The following PGM5 variants were observed in gnomAD, a reference collection of about 807,000 sequenced individuals.
PGM5 encodes the protein phosphoglucomutase-like protein 5.
A neutral mutation model predicts 59.2 loss-of-function variants in PGM5; 23 were observed. The observed-to-expected ratio is 0.39, with a 90% CI of 0.28 to 0.55. PGM5 has a LOEUF of 0.55. Among genes scored for constraint, PGM5 ranks in the 20% least tolerant of loss-of-function variants. The pLI is 0.66. For missense variants in PGM5, 574 were observed against 748.3 expected (o/e 0.77, Z 2.72); for synonymous variants, 214 against 286.0 (o/e 0.75, Z 2.54).
At chr9:68,521,688 T>C (rs897443004) in intron 10 of PGM5, among the ~76,000 whole-genome samples, 1 of 152,270 alleles carries the variant, frequency 6.6e-6, no homozygotes. Context: ...TAATTCCCCA[T>C]CCTTTTACAA....
rs145560222 is a variant in PGM5 at position 68,466,609 on chromosome 9, G to C, written c.1159+1401G>C. ...AGAAATGGGTACAACCCTTTTTTGG[G>C]GCAATTAGTGTGGAAGGTTAAGTTA... On this transcript the variant is annotated intron_variant, in intron 7 of 10. Coordinates refer to ENST00000396396, the MANE Select transcript of PGM5 (RefSeq NM_021965.4). 8.0e-3 allele frequency: 1,224 copies of C among 153,102 alleles called. 12 individuals are homozygous for C. Among genetic ancestry groups the C allele is most frequent in the African/African-American group, 0.029 (1,183 of 41,488 alleles). 9.5% of individuals were successfully genotyped at this position (153,102 alleles called of 1,614,324 possible).
At chr9:68,389,950 T>C (rs1554679311) in intron 4 of PGM5, among the ~76,000 whole-genome samples, 2 of 152,138 alleles carry the variant, frequency 1.3e-5, no homozygotes, top group Non-Finnish European at 2.9e-5. Context: ...ATCTTGTTAA[T>C]CTCTATTAGG....
chr9:68,452,551 TAG>T (rs1823713165), intron 6 of PGM5, among the ~76,000 whole-genome samples: 1 of 152,184 alleles, frequency 6.6e-6, no homozygotes, highest in South Asian at 2.1e-4. Flanking sequence ...TCAGTGCAGG[TAG>T]CACTGCACGG....
At chr9:68,465,981 G>A (rs781853263) in intron 7 of PGM5, among the ~76,000 whole-genome samples, 1 of 151,966 alleles carries the variant, frequency 6.6e-6, no homozygotes, top group Admixed American at 6.6e-5. Context: ...GTTTGTTGTT[G>A]TTCATTAATT....
chr9:68,522,545 C>T (rs538071556), intron 10 of PGM5, among the ~76,000 whole-genome samples: 54 of 152,308 alleles, frequency 3.5e-4, no homozygotes, highest in Non-Finnish European at 6.9e-4. Context: ...CAAGATGTTA[C>T]ATTTCATATT....
At chr9:68,459,640 G>T (rs534902627) in intron 6 of PGM5, among the ~76,000 whole-genome samples, 25 of 152,142 alleles carry the variant, frequency 1.6e-4, no homozygotes, top group Non-Finnish European at 3.7e-4. Flanking sequence ...CAGTACATTA[G>T]GGCTCCACAT....
chr9:68,452,645 A>C (rs1823715893), intron 6 of PGM5, among the ~76,000 whole-genome samples: 1 of 152,152 alleles, frequency 6.6e-6, no homozygotes, highest in Non-Finnish European at 1.5e-5. Flanking sequence ...CCCCAGAACA[A>C]GACTGCTCAG....
intron 6 of PGM5, among the ~76,000 whole-genome samples, chr9:68,407,116 G>A (rs538314972): frequency 9.5e-4 from 144 of 152,018 alleles, no homozygotes; most frequent in African/African-American, 3.3e-3. Context: ...CTTTCAGTTA[G>A]TGACCTAGGA....
intron 2 of PGM5, among the ~76,000 whole-genome samples, chr9:68,383,777 G>C (rs57431537): frequency 1.7e-3 from 253 of 145,858 alleles, no homozygotes; most frequent in Middle Eastern, 3.6e-3. Context: ...ACCCCAAAAG[G>C]TGAACAAGTA....
chr9:68,496,826 T>C (rs1466708806), intron 9 of PGM5: 1 of 152,238 alleles, frequency 6.6e-6, no homozygotes, highest in Non-Finnish European at 1.5e-5. Context: ...TGGGAGGTAC[T>C]TCAAAGGGTT....
At chr9:68,395,832 C>T (rs1563992183) in intron 6 of PGM5, 2 of 152,010 alleles carry the variant, frequency 1.3e-5, no homozygotes, top group African/African-American at 4.8e-5. Context: ...ACTTGTCTCC[C>T]TGAGGTGATA....
intron 10 of PGM5, among the ~76,000 whole-genome samples, chr9:68,525,091 C>T (rs1824951411): frequency 6.6e-6 from 1 of 152,022 alleles, no homozygotes; most frequent in Non-Finnish European, 1.5e-5. Context: ...TCCCACCCAC[C>T]ATGAGGCATG....
At chr9:68,394,768 G>T (rs1338090933) in intron 6 of PGM5, among the ~76,000 whole-genome samples, 1 of 151,558 alleles carries the variant, frequency 6.6e-6, no homozygotes, top group Non-Finnish European at 1.5e-5. Context: ...CTACACATGC[G>T]CCATCATACC....
intron 6 of PGM5, among the ~76,000 whole-genome samples, chr9:68,432,850 G>A (rs545809593): frequency 5.9e-5 from 9 of 152,028 alleles, no homozygotes; most frequent in Non-Finnish European, 1.2e-4. Flanking sequence ...CAGGTGATCC[G>A]CCTGCCTTGA....
At chr9:68,417,697 A>G (rs1554682087) in intron 6 of PGM5, among the ~76,000 whole-genome samples, 1 of 152,188 alleles carries the variant, frequency 6.6e-6, no homozygotes, top group Non-Finnish European at 1.5e-5. Context: ...CCTGTCTTCA[A>G]AACTTATTTG....
chr9:68,499,863 AG>A (rs1405398761), intron 10 of PGM5, among the ~76,000 whole-genome samples: 4 of 152,240 alleles, frequency 2.6e-5, no homozygotes, highest in African/African-American at 9.6e-5. Flanking sequence ...CACATTGACA[AG>A]GCTAAGCCAG....
intron 6 of PGM5, among the ~76,000 whole-genome samples, chr9:68,408,462 C>T (rs1273450849): frequency 1.3e-5 from 2 of 152,040 alleles, no homozygotes; most frequent in African/African-American, 2.4e-5. Flanking sequence ...TCATTGTAGA[C>T]TCTGGATATT....
At position 68,479,438 on chromosome 9, in the gene PGM5, A is replaced by C. The variant is rs781788479; in HGVS notation, c.1180A>C (p.Lys394Gln). 1.2e-6 allele frequency: 2 copies of C among 1,612,904 alleles called. No homozygotes were observed. The change falls in exon 8 of 11, where the codon AAG becomes CAG. Residue 394 changes from lysine (K) to glutamine (Q), a missense_variant. By Grantham distance (53) the Lys-to-Gln change is moderately conservative (BLOSUM62 1). Around this residue, in one of 7 missense-constraint regions of PGM5, gnomAD observed 300 missense variants for 280.0 expected, o/e 1.07. Transcript: ENST00000396396. ...TTTAGGCTCTGACCACCTCCGAGAG[A>C]AGGATGGCCTGTGGGCTGTCTTGGT... ...FGTGSDHLRE[K>Q]DGLWAVLVWL...
At chr9:68,451,677 C>T (rs1554684342) in intron 6 of PGM5, among the ~76,000 whole-genome samples, 1 of 152,202 alleles carries the variant, frequency 6.6e-6, no homozygotes, top group African/African-American at 2.4e-5. Context: ...TGGTGAAAGG[C>T]TTTCAGGGCC....
Sources: gnomAD v4.1 joint callset for allele counts (sites outside exome capture counted in the v4.1 genomes callset) on GRCh38, gnomAD v4.1.1 for gene constraint, gnomAD v4.1.1 regional missense constraint, MANE v1.5 for transcripts, NCBI Gene and HGNC (gene_info 2026-07-23, HGNC 2026-07-21) for gene names.